ABTB2: variants seen among roughly 807,000 people sequenced by gnomAD.
ABTB2 encodes the protein ankyrin repeat and BTB/POZ domain-containing protein 2.
In ABTB2, 56 loss-of-function variants were observed where a neutral mutation model predicts 104.1. The observed-to-expected ratio is 0.54, with a 90% CI of 0.43 to 0.67. ABTB2 has a LOEUF of 0.67. Among genes scored for constraint, ABTB2 ranks in the 30% least tolerant of loss-of-function variants. The pLI is 0.00. For synonymous variants in ABTB2, 606 were observed against 608.2 expected (o/e 1.00, Z 0.05); for missense variants, 1,279 against 1,407.7 (o/e 0.91, Z 1.46).
Position 34,162,911 on chromosome 11 carries a change from C to T in ABTB2, c.1989-106G>A, listed in dbSNP as rs954790915. ...TGCCCCGACGGGCTGCTCTGGGGTA[C>T]CCGAGGGCTCGGAGTTTCATGGTCT... On this transcript the variant is annotated intron_variant, in intron 9 of 16. Coordinates refer to ENST00000435224, the MANE Select transcript of ABTB2 (RefSeq NM_145804.3). 5 of 1,120,890 alleles carry T rather than the reference C, an allele frequency of 4.5e-6. No homozygotes were observed. The African/African-American group carries it at 6.2e-5, about 14-fold the overall frequency. 69.4% of individuals were successfully genotyped at this position (1,120,890 alleles called of 1,614,324 possible).
chr11:34,342,097 T>C (rs1363175478), intron 1 of ABTB2, among the ~76,000 whole-genome samples: 1 of 152,158 alleles, frequency 6.6e-6, no homozygotes, highest in Non-Finnish European at 1.5e-5. Flanking sequence ...ATCAAGGAAA[T>C]AGACTCAAGG....
chr11:34,357,832 C>T lies in ABTB2; in HGVS notation c.-249G>A, dbSNP rs1855486590. On this transcript the variant is annotated 5_prime_UTR_variant, in exon 1 of 17. Transcript: ENST00000435224. ...CCACTGGAAAGAACCCCGTCGCTAC[C>T]CCCCGGCACTCCCCCTTGTCCACCT... is the stretch of plus-strand genomic sequence containing the variant. 8.2e-6 allele frequency: 4 copies of T among 489,840 alleles called. No homozygotes were observed. The highest frequency in any genetic ancestry group is 3.6e-5 in the Admixed American group (1 of 27,494). 30.3% of individuals were successfully genotyped at this position (489,840 alleles called of 1,614,324 possible). A position where few individuals can be genotyped will look rare whatever the true frequency, so the allele number is the denominator to read the frequency against.
intron 1 of ABTB2, among the ~76,000 whole-genome samples, chr11:34,286,814 C>T (rs774935639): frequency 3.3e-5 from 5 of 152,272 alleles, no homozygotes; most frequent in Non-Finnish European, 5.9e-5. Context: ...AACATATTCA[C>T]GGACATTATG....
At chr11:34,306,259 T>A (rs1854769696) in intron 1 of ABTB2, among the ~76,000 whole-genome samples, 1 of 139,270 alleles carries the variant, frequency 7.2e-6, no homozygotes, top group Admixed American at 7.1e-5. Context: ...TTTTTTTTTT[T>A]TTTTTTGAGA....
chr11:34,228,536 C>T (rs1408106977), intron 1 of ABTB2, among the ~76,000 whole-genome samples: 1 of 152,130 alleles, frequency 6.6e-6, no homozygotes, highest in Non-Finnish European at 1.5e-5. Flanking sequence ...AGGCGCCCGC[C>T]ACCATACCTA....
intron 1 of ABTB2, among the ~76,000 whole-genome samples, chr11:34,225,752 C>T (rs551344677): frequency 1.5e-4 from 23 of 151,748 alleles, no homozygotes; most frequent in Middle Eastern, 3.4e-3. Flanking sequence ...TGAAACTCCA[C>T]CTCAAAAATA....
At chr11:34,310,338 G>T (rs774433574) in intron 1 of ABTB2, among the ~76,000 whole-genome samples, 1 of 152,130 alleles carries the variant, frequency 6.6e-6, no homozygotes, top group Non-Finnish European at 1.5e-5. Context: ...CTACCCTGCT[G>T]TGAGTGCCAG....
intron 3 of ABTB2, among the ~76,000 whole-genome samples, chr11:34,190,272 C>CAAA (rs61052853): frequency 1.9e-4 from 22 of 115,114 alleles, no homozygotes; most frequent in East Asian, 2.4e-4. Flanking sequence ...GCTGCCCCCC[C>CAAA]AAAAAAAAAA....
At chr11:34,234,241 G>C (rs767235247) in intron 1 of ABTB2, among the ~76,000 whole-genome samples, 1 of 152,170 alleles carries the variant, frequency 6.6e-6, no homozygotes, top group Non-Finnish European at 1.5e-5. Context: ...ATGAGCTTCC[G>C]GGTGAAGTCA....
At chr11:34,354,556 C>T (rs1384850651) in intron 1 of ABTB2, among the ~76,000 whole-genome samples, 1 of 152,152 alleles carries the variant, frequency 6.6e-6, no homozygotes, top group East Asian at 1.9e-4. Flanking sequence ...CCAAGGAATG[C>T]TGACCCTAGA....
rs1685057919 is a variant in ABTB2 at position 34,357,576 on chromosome 11, C to T, written c.8G>A (p.Gly3Glu). 6.6e-7 allele frequency: 1 copy of T among 1,516,166 alleles called. No individual in the cohort carries two copies. Among genetic ancestry groups the T allele is most frequent in the African/African-American group, 1.4e-5 (1 of 72,624 alleles). 93.9% of individuals were successfully genotyped at this position (1,516,166 alleles called of 1,614,324 possible). Residue 3 changes from glycine (G) to glutamate (E), a missense_variant, in exon 1 of 17, where the codon GGG becomes GAG. Transcript: ENST00000435224. ...CGTCTTCAGAGTCGAGCTGTACGTC[C>T]CGGCCATGGGGAGCCTGCCGAGGGC... MA[G>E]TYSSTLKTLE...
At chr11:34,237,145 A>G (rs933761568) in intron 1 of ABTB2, among the ~76,000 whole-genome samples, 1 of 152,172 alleles carries the variant, frequency 6.6e-6, no homozygotes, top group African/African-American at 2.4e-5. Flanking sequence ...TGGAGCCCAC[A>G]GTACCCACCT....
intron 1 of ABTB2, among the ~76,000 whole-genome samples, chr11:34,352,764 A>G (rs1484777919): frequency 2.0e-5 from 3 of 152,228 alleles, no homozygotes; most frequent in African/African-American, 7.2e-5. Context: ...TAAATGGCAA[A>G]GTTGTGTATG....
chr11:34,303,635 G>A (rs1257519788), intron 1 of ABTB2, among the ~76,000 whole-genome samples: 2 of 129,452 alleles, frequency 1.5e-5, no homozygotes, highest in Non-Finnish European at 3.2e-5. Context: ...AACTATGGGT[G>A]CTTTTTTTTT....
intron 1 of ABTB2, among the ~76,000 whole-genome samples, chr11:34,355,082 T>C (rs1367894759): frequency 2.6e-5 from 4 of 152,352 alleles, no homozygotes; most frequent in African/African-American, 4.8e-5. Flanking sequence ...AAGCAGCAGA[T>C]GCTCTTCAAT....
intron 1 of ABTB2, among the ~76,000 whole-genome samples, chr11:34,229,135 A>G (rs1281327668): frequency 2.1e-5 from 2 of 94,442 alleles, no homozygotes; most frequent in Admixed American, 1.2e-4. Flanking sequence ...AAAAAAAAAA[A>G]GAGAAAAAAG....
rs186035540 is a variant in ABTB2 at position 34,221,977 on chromosome 11, G to A, written c.884-17287C>T. On this transcript the variant is annotated intron_variant, in intron 1 of 16. Coordinates refer to ENST00000435224, the MANE Select transcript of ABTB2 (RefSeq NM_145804.3). ...GGAGAATAGCTTGAACCTGGGAGGC[G>A]GAGGTTGCAGTGAGTCGAGATCGCA... 6.5e-3 allele frequency among the ~76,000 whole-genome samples: 985 copies of A among 152,230 alleles called. 12 individuals are homozygous for A. Among genetic ancestry groups the A allele is most frequent in the African/African-American group, 0.021 (867 of 41,522 alleles).
chr11:34,202,619 C>A (rs12293151), intron 2 of ABTB2, among the ~76,000 whole-genome samples: 4 of 152,064 alleles, frequency 2.6e-5, no homozygotes, highest in African/African-American at 9.7e-5. Flanking sequence ...AGTGGGGAAT[C>A]ACTTGAGGTG....
chr11:34,245,530 C>A (rs558358936), intron 1 of ABTB2, among the ~76,000 whole-genome samples: 1 of 152,218 alleles, frequency 6.6e-6, no homozygotes. Context: ...ACTCACCAGA[C>A]TAACTGGGTC....
Sources: gnomAD v4.1 joint callset for allele counts (sites outside exome capture counted in the v4.1 genomes callset) on GRCh38, gnomAD v4.1.1 for gene constraint, MANE v1.5 for transcripts, NCBI Gene and HGNC (gene_info 2026-07-23, HGNC 2026-07-21) for gene names.